The following RGL2 variants were observed in gnomAD, a reference collection of about 807,000 sequenced individuals.
The protein encoded by RGL2 is ral guanine nucleotide dissociation stimulator like 2.
RGL2 carries 40 observed loss-of-function variants against 84.6 expected under a neutral mutation model. The ratio of observed to expected loss-of-function variants is 0.47; its 90% CI spans 0.37 to 0.62. RGL2 has a LOEUF of 0.62. Ranked by LOEUF, RGL2 falls within the 20% of genes least tolerant of loss-of-function variation. The pLI, the probability that RGL2 is intolerant of heterozygous loss-of-function variation, is 0.00. For synonymous variants in RGL2, 369 were observed against 417.3 expected, an observed-to-expected ratio of 0.88 and a Z score of 1.41; for missense variants, 865 against 1,019.7, an observed-to-expected ratio of 0.85 and a Z score of 2.07.
At position 33,294,027 on chromosome 6, in the gene RGL2, C is replaced by T. The variant is rs867176486; in HGVS notation, c.1386+7G>A. On this transcript the variant is annotated splice_region_variant and intron_variant, in intron 12 of 17. Transcript: ENST00000497454. This position sits in a 1 kb window ranked among gnomAD's most constrained non-coding sequence, Gnocchi z 5.0. ...AGTCCAGCATCCAGCCCAGACACTC[C>T]GCTCACCTTCCTCCGCTTGTCAAAA... The T allele has an allele frequency of 8.7e-6, 14 of 1,613,658 alleles. No homozygotes were observed. The highest frequency in any genetic ancestry group is 4.0e-5 in the African/African-American group (3 of 74,866).
rs949772081 is a variant in RGL2 at position 33,297,286 on chromosome 6, A to T, written c.157-171T>A. The T allele has an allele frequency of 7.3e-6, 4 of 550,918 alleles. No individual in the cohort carries two copies. In the African/African-American group the frequency reaches 7.5e-5, roughly 10 times the overall value. The allele number at this position is 550,918 out of a possible 1,614,324, so 34.1% of individuals were successfully genotyped here. A position where few individuals can be genotyped will look rare whatever the true frequency, so the allele number is the denominator to read the frequency against. ...GAGCTGGTGACCCCAGGTCTCCCCC[A>T]CTGGGGCCCAGACAGCCCCACCCCA... On this transcript the variant is annotated intron_variant, in intron 2 of 17. Coordinates refer to ENST00000497454, the MANE Select transcript of RGL2 (RefSeq NM_004761.5). This position sits in a 1 kb window ranked among gnomAD's most constrained non-coding sequence, Gnocchi z 4.0.
chr6:33,297,168 C>T lies in RGL2; in HGVS notation c.157-53G>A. 2 of 1,391,544 alleles carry T rather than the reference C, an allele frequency of 1.4e-6. No homozygotes were observed. Among genetic ancestry groups the T allele is most frequent in the Non-Finnish European group, 9.8e-7 (1 of 1,019,472 alleles). 86.2% of individuals were successfully genotyped at this position (1,391,544 alleles called of 1,614,324 possible). A position where few individuals can be genotyped will look rare whatever the true frequency, so the allele number is the denominator to read the frequency against. Reference sequence around the variant, plus strand: ...ACAGTTCCACACCACCCCCCATTGCCCTCAGCCTTCACCCCAGGCCCTGCT... The same window carrying T: ...ACAGTTCCACACCACCCCCCATTGCTCTCAGCCTTCACCCCAGGCCCTGCT... On this transcript the variant is annotated intron_variant, in intron 2 of 17. Coordinates refer to ENST00000497454, the MANE Select transcript of RGL2 (RefSeq NM_004761.5). The surrounding 1 kb of genome is among the most constrained non-coding windows in gnomAD (Gnocchi z 4.0).
chr6:33,291,779 A>G lies in RGL2; in HGVS notation c.*323T>C, dbSNP rs1767409149. 3.8e-6 allele frequency: 2 copies of G among 519,726 alleles called. No individual in the cohort carries two copies. The highest frequency in any genetic ancestry group is 3.9e-5 in the African/African-American group (2 of 51,870). 32.2% of individuals were successfully genotyped at this position (519,726 alleles called of 1,614,324 possible). A position where few individuals can be genotyped will look rare whatever the true frequency, so the allele number is the denominator to read the frequency against. On this transcript the variant is annotated 3_prime_UTR_variant, in exon 18 of 18. Transcript: ENST00000497454. ...CATTCCCCTCTGCCCTGGGGCTCAGAGCCTTGAAGCCTTTGCTTGGCCCTT... is the reference window on the plus strand; with the variant it reads ...CATTCCCCTCTGCCCTGGGGCTCAGGGCCTTGAAGCCTTTGCTTGGCCCTT...
Position 33,298,864 on chromosome 6 carries a change from T to G in RGL2, c.-42+6A>C, listed in dbSNP as rs1768289269. 3.1e-6 allele frequency: 1 copy of G among 319,612 alleles called. No homozygotes were observed. The allele number at this position is 319,612 out of a possible 1,614,324, so 19.8% of individuals were successfully genotyped here. A position where few individuals can be genotyped will look rare whatever the true frequency, so the allele number is the denominator to read the frequency against. On this transcript the variant is annotated splice_donor_region_variant and intron_variant, in intron 1 of 17. Transcript: ENST00000497454. This position sits in a 1 kb window ranked among gnomAD's most constrained non-coding sequence, Gnocchi z 4.8. The stretch of plus-strand genomic sequence containing the variant: ...ACGGGGACGCGCAGGGTGCTCAGGC[T>G]CTGACCTGCTCGGGAGGGGTGGGGG...
chr6:33,296,471 G>A lies in RGL2; in HGVS notation c.420-7C>T. On this transcript the variant is annotated splice_region_variant and splice_polypyrimidine_tract_variant and intron_variant, in intron 4 of 17. Transcript: ENST00000497454. This position sits in a 1 kb window ranked among gnomAD's most constrained non-coding sequence, Gnocchi z 5.0. The stretch of plus-strand genomic sequence containing the variant: ...AGATTCAAGGGCTTCCAGCCTGAGG[G>A]GGAGAAGAGGATCTATCTGTCCATT... 2 of 1,604,718 alleles carry A rather than the reference G, an allele frequency of 1.2e-6. No homozygotes were observed. Among genetic ancestry groups the A allele is most frequent in the Non-Finnish European group, 1.7e-6 (2 of 1,175,454 alleles).
In RGL2 at chr6:33,296,437, G is replaced by A. The variant is rs748000686; in HGVS notation, c.447C>T (p.Thr149=). 1.2e-5 allele frequency: 19 copies of A among 1,610,854 alleles called. No homozygotes were observed. Among genetic ancestry groups the A allele is most frequent in the Middle Eastern group, 1.6e-4 (1 of 6,066 alleles). ...DRLEALESHP[T]DELERTTEVA... ...ACTCTGTTGTCCTCTCTAGTTCGTC[G>A]GTAGGATGAGATTCAAGGGCTTCCA... The change falls in exon 5 of 18, where the codon ACC becomes ACT. Residue 149 remains threonine, a synonymous_variant. Transcript: ENST00000497454. This position sits in a 1 kb window ranked among gnomAD's most constrained non-coding sequence, Gnocchi z 5.0.
Position 33,297,039 on chromosome 6 carries a change from T to A in RGL2, c.233A>T (p.Asp78Val). The A allele has an allele frequency of 1.3e-6, 2 of 1,582,218 alleles. No homozygotes were observed. The highest frequency in any genetic ancestry group is 1.7e-6 in the Non-Finnish European group (2 of 1,165,794). Residue 78 changes from aspartate (D) to valine (V), a missense_variant, in exon 3 of 18, where the codon GAT becomes GTT. Physicochemically the swap from Asp to Val is radical, Grantham distance 152 (BLOSUM62 -3). Transcript: ENST00000497454. The surrounding 1 kb of genome is among the most constrained non-coding windows in gnomAD (Gnocchi z 4.0). The part of the protein sequence containing the change: ...TVTSRQYRPL[D>V]PLVPMPPPRS... ...CTAAAGTCATGATCTCACCAAGGGA[T>A]CAAGAGGTCGATATTGGCGGCTTGT...
rs755367465 is a variant in RGL2, at chr6:33,292,175, G to A, written c.2261C>T (p.Pro754Leu). ...TSGPSASGTP[P>L]SEGGGGSFPR... is the part of the protein sequence containing the mutation. ...AAAGGAGCCCCCTCCTCCCTCACTCGGAGGAGTTCCTGAGGCAGACGGGCC... is the reference window on the plus strand; with the variant it reads ...AAAGGAGCCCCCTCCTCCCTCACTCAGAGGAGTTCCTGAGGCAGACGGGCC... Residue 754 changes from proline (P) to leucine (L), a missense_variant, in exon 18 of 18, where the codon CCG becomes CTG. By Grantham distance (98) the Pro-to-Leu change is moderately conservative. Around this residue, in one of 5 missense-constraint regions of RGL2, gnomAD observed 302 missense variants for 327.9 expected, o/e 0.92. Transcript: ENST00000497454. 1.2e-5 allele frequency: 19 copies of A among 1,614,156 alleles called. No homozygotes were observed. Among genetic ancestry groups the A allele is most frequent in the Middle Eastern group, 1.6e-4 (1 of 6,062 alleles).
chr6:33,293,184 ACCTCGAGAAGG>A lies in RGL2; in HGVS notation c.1828_1838del (p.Pro610SerfsTer35). 1 of 1,597,018 alleles carries A rather than the reference ACCTCGAGAAGG, an allele frequency of 6.3e-7. No homozygotes were observed. The highest frequency in any genetic ancestry group is 8.5e-7 in the Non-Finnish European group (1 of 1,172,200). The stretch of plus-strand genomic sequence containing the variant: ...AGCCACAGGAGGCTGAGCGGCGGTG[ACCTCGAGAAGG>A]CCTAGGGGAGGAGGCTGGTGGGGAG... On this transcript the variant is annotated frameshift_variant, in exon 16 of 18. Transcript: ENST00000497454. LOFTEE classifies it high-confidence loss of function. This position sits in a 1 kb window ranked among gnomAD's most constrained non-coding sequence, Gnocchi z 7.0.
chr6:33,293,294 G>A lies in RGL2; in HGVS notation c.1729C>T (p.Pro577Ser), dbSNP rs770316525. Residue 577 changes from proline to serine, a missense_variant, in exon 16 of 18, where the codon CCA becomes TCA. Physicochemically the swap from Pro to Ser is moderately conservative, Grantham distance 74. Transcript: ENST00000497454. This position sits in a 1 kb window ranked among gnomAD's most constrained non-coding sequence, Gnocchi z 7.0. ...GCAGAGTCTAGTGACGAGACAGATGGCCACTTCATGTGCTAGGAACAAACA... is the reference window on the plus strand; with the variant it reads ...GCAGAGTCTAGTGACGAGACAGATGACCACTTCATGTGCTAGGAACAAACA... ...LTRLAQHMKW[P>S]SVSSLDSALE... The A allele has an allele frequency of 1.3e-6, 2 of 1,549,516 alleles. No homozygotes were observed. The highest frequency in any genetic ancestry group is 2.0e-5 in the Admixed American group (1 of 50,868).
In RGL2 at chr6:33,294,780, G is replaced by A. The variant is rs757292397; in HGVS notation, c.1279-18C>T. 1.9e-6 allele frequency: 3 copies of A among 1,612,724 alleles called. No individual in the cohort carries two copies. Among genetic ancestry groups the A allele is most frequent in the Admixed American group, 1.7e-5 (1 of 59,846 alleles). On this transcript the variant is annotated intron_variant, in intron 10 of 17. Coordinates refer to ENST00000497454, the MANE Select transcript of RGL2 (RefSeq NM_004761.5). The surrounding 1 kb of genome is among the most constrained non-coding windows in gnomAD (Gnocchi z 5.0). ...ACCACACCCTGAAGTCAGGGGTCAG[G>A]GTCAGAAGTGCCTGCCATTGACGTG...
In RGL2 at chr6:33,295,978, G is replaced by C. The variant is rs1268403385; in HGVS notation, c.768+50C>G. ...CAAGGAAAGGATCTGGAGTCAAGGA[G>C]AGGTTAGTAAGGGGTCAGGGGGCAT... is the stretch of plus-strand genomic sequence containing the variant. On this transcript the variant is annotated intron_variant, in intron 6 of 17. Transcript: ENST00000497454. The surrounding 1 kb of genome is among the most constrained non-coding windows in gnomAD (Gnocchi z 7.2). 1.2e-6 allele frequency: 2 copies of C among 1,601,454 alleles called. No individual in the cohort carries two copies. The highest frequency in any genetic ancestry group is 1.7e-5 in the Admixed American group (1 of 59,520).
In RGL2 at chr6:33,297,046, G is replaced by A; in HGVS notation, c.226C>T (p.Pro76Ser). ...CATGATCTCACCAAGGGATCAAGAGGTCGATATTGGCGGCTTGTGACGGTA... is the reference window on the plus strand; with the variant it reads ...CATGATCTCACCAAGGGATCAAGAGATCGATATTGGCGGCTTGTGACGGTA... ...VFTVTSRQYR[P>S]LDPLVPMPPP... Residue 76 changes from proline (P) to serine (S), a missense_variant, in exon 3 of 18, where the codon CCT becomes TCT. By Grantham distance (74) the Pro-to-Ser change is moderately conservative (BLOSUM62 -1). Transcript: ENST00000497454. The surrounding 1 kb of genome is among the most constrained non-coding windows in gnomAD (Gnocchi z 4.0). The A allele has an allele frequency of 1.9e-6, 3 of 1,580,520 alleles. No homozygotes were observed. Among genetic ancestry groups the A allele is most frequent in the Non-Finnish European group, 2.6e-6 (3 of 1,165,068 alleles).
At position 33,293,185 on chromosome 6, in the gene RGL2, C is replaced by A; in HGVS notation, c.1838G>T (p.Gly613Val). ...PPASSPRPSR[G>V]HRRSASCGSP... Reference sequence around the variant, plus strand: ...GCCACAGGAGGCTGAGCGGCGGTGACCTCGAGAAGGCCTAGGGGAGGAGGC... The same window carrying A: ...GCCACAGGAGGCTGAGCGGCGGTGAACTCGAGAAGGCCTAGGGGAGGAGGC... Residue 613 changes from glycine (G) to valine (V), a missense_variant, in exon 16 of 18, where the codon GGT becomes GTT. Gly to Val is a moderately radical substitution (Grantham distance 109). Around this residue, in one of 5 missense-constraint regions of RGL2, gnomAD observed 302 missense variants for 327.9 expected, o/e 0.92. Transcript: ENST00000497454. This position sits in a 1 kb window ranked among gnomAD's most constrained non-coding sequence, Gnocchi z 7.0. 1.3e-6 allele frequency: 2 copies of A among 1,596,396 alleles called. No homozygotes were observed. Among genetic ancestry groups the A allele is most frequent in the Non-Finnish European group, 1.7e-6 (2 of 1,171,962 alleles).
At chr6:33,301,444 T>A (rs1280658303), upstream of RGL2, 1 of 357,542 alleles carries the variant, frequency 2.8e-6, no homozygotes, top group Non-Finnish European at 5.1e-6. Context: ...TGTGGTGGCA[T>A]GTGCCTGTAA....
Position 33,296,727 on chromosome 6 carries a change from A to G in RGL2, c.290T>C (p.Leu97Pro), listed in dbSNP as rs1229862122. The G allele has an allele frequency of 6.2e-7, 1 of 1,614,058 alleles. No homozygotes were observed. The highest frequency in any genetic ancestry group is 1.1e-5 in the South Asian group (1 of 91,086). Residue 97 changes from leucine (L) to proline (P), a missense_variant, in exon 4 of 18, where the codon CTG becomes CCG. Physicochemically the swap from Leu to Pro is moderately conservative, Grantham distance 98 (BLOSUM62 -3). Transcript: ENST00000497454. The surrounding 1 kb of genome is among the most constrained non-coding windows in gnomAD (Gnocchi z 5.0). ...CAGTAGGTGTCTGACCAGGGCCTCC[A>G]GAGTGCCAGCTCGGAGCCGTCGGGA... ...RSSRRLRAGTLEALVRHLLDT... is the reference protein window; with the variant it reads ...RSSRRLRAGTPEALVRHLLDT...
rs754758869 is a variant in RGL2, at chr6:33,293,894, A to G, written c.1409T>C (p.Leu470Ser). The change falls in exon 13 of 18, where the codon TTG becomes TCG. Residue 470 changes from leucine (L) to serine (S), a missense_variant. Around this residue, in one of 5 missense-constraint regions of RGL2, gnomAD observed 75 missense variants for 130.8 expected, o/e 0.57. Transcript: ENST00000497454. This position sits in a 1 kb window ranked among gnomAD's most constrained non-coding sequence, Gnocchi z 7.0. ...RRKEFAVLSE[L>S]RRLQNECRGY... Reference sequence around the variant, plus strand: ...ACGACATTCATTCTGGAGCCGTCGCAACTCAGAAAGGACTGCAAACTCCTG... The same window carrying G: ...ACGACATTCATTCTGGAGCCGTCGCGACTCAGAAAGGACTGCAAACTCCTG... The G allele has an allele frequency of 6.2e-7, 1 of 1,613,976 alleles. No individual in the cohort carries two copies. The highest frequency in any genetic ancestry group is 1.3e-5 in the African/African-American group (1 of 74,886).
rs907540188 is a variant in RGL2, at chr6:33,295,974, A to C, written c.768+54T>G. The C allele has an allele frequency of 1.3e-6, 2 of 1,597,842 alleles. No individual in the cohort carries two copies. The highest frequency in any genetic ancestry group is 1.7e-5 in the Admixed American group (1 of 59,402). Reference sequence around the variant, plus strand: ...GAAGCAAGGAAAGGATCTGGAGTCAAGGAGAGGTTAGTAAGGGGTCAGGGG... The same window carrying C: ...GAAGCAAGGAAAGGATCTGGAGTCACGGAGAGGTTAGTAAGGGGTCAGGGG... On this transcript the variant is annotated intron_variant, in intron 6 of 17. Coordinates refer to ENST00000497454, the MANE Select transcript of RGL2 (RefSeq NM_004761.5). This position sits in a 1 kb window ranked among gnomAD's most constrained non-coding sequence, Gnocchi z 7.2.
rs1377683347 is a variant in RGL2 at position 33,296,927 on chromosome 6, C to T, written c.240+105G>A. On this transcript the variant is annotated intron_variant, in intron 3 of 17. Coordinates refer to ENST00000497454, the MANE Select transcript of RGL2 (RefSeq NM_004761.5). The surrounding 1 kb of genome is among the most constrained non-coding windows in gnomAD (Gnocchi z 5.0). ...TTGGCCTATGTCACACAGCAGAGTC[C>T]AGGACTCCAGAACTCCAACCTAGCA... 3.4e-6 allele frequency: 5 copies of T among 1,486,366 alleles called. No individual in the cohort carries two copies. The Middle Eastern group carries it at 5.1e-4, about 153-fold the overall frequency. 92.1% of individuals were successfully genotyped at this position (1,486,366 alleles called of 1,614,324 possible).
Sources: allele counts gnomAD v4.1 joint callset, GRCh38; gene constraint gnomAD v4.1.1; regional missense constraint gnomAD v4.1.1; non-coding constraint Gnocchi (gnomAD v3.1); transcripts MANE v1.5; gene names NCBI Gene and HGNC (gene_info 2026-07-23, HGNC 2026-07-21).